The following ADGRB3 variants were observed in gnomAD, a reference collection of about 807,000 sequenced individuals.
ADGRB3 encodes the protein adhesion G protein-coupled receptor B3.
A neutral mutation model predicts 193.4 loss-of-function variants in ADGRB3; 37 were observed. That is an observed-to-expected ratio of 0.19 (90% CI 0.15 to 0.25). ADGRB3 has a LOEUF of 0.25. Ranked by LOEUF, ADGRB3 falls within the 10% of genes least tolerant of loss-of-function variation. The pLI, the probability that ADGRB3 is intolerant of heterozygous loss-of-function variation, is 1.00. For missense variants in ADGRB3, 1,637 were observed against 1,852.9 expected (o/e 0.88, Z 2.14); for synonymous variants, 690 against 644.2 (o/e 1.07, Z -1.08).
chr6:68,733,239 T>C (rs568671358), intron 3 of ADGRB3, among the ~76,000 whole-genome samples: 1 of 147,852 alleles, frequency 6.8e-6, no homozygotes, highest in South Asian at 2.1e-4. Context: ...TCTATATATA[T>C]ATAAAATATA....
chr6:69,101,915 C>T (rs890186359), intron 17 of ADGRB3, among the ~76,000 whole-genome samples: 4 of 152,096 alleles, frequency 2.6e-5, no homozygotes, highest in Admixed American at 2.6e-4. Context: ...CTCGGCCGGG[C>T]TCAGTGGCTC....
chr6:68,890,814 G>T (rs1336441003), intron 3 of ADGRB3, among the ~76,000 whole-genome samples: 1 of 152,170 alleles, frequency 6.6e-6, no homozygotes, highest in Non-Finnish European at 1.5e-5. Flanking sequence ...CATCATAAAT[G>T]CCATAAATGG....
At chr6:69,146,888 T>A (rs754031550) in intron 17 of ADGRB3, among the ~76,000 whole-genome samples, 3 of 144,548 alleles carry the variant, frequency 2.1e-5, no homozygotes, top group Non-Finnish European at 3.0e-5. Flanking sequence ...TATTGGTAAA[T>A]TGTATATGTC....
At position 69,031,550 on chromosome 6, in the gene ADGRB3, T is replaced by TTTCTTTCTTTCTTTCTTTCTTTC; in HGVS notation, c.2107+13053_2107+13054insCTTTCTTTCTTTCTTTCTTTCTT. The stretch of plus-strand genomic sequence containing the variant: ...CTTTCTTTCTTTCTTTCTTTCTTTC[T>TTTCTTTCTTTCTTTCTTTCTTTC]TTTTCTTTCTTTCTTTTCTTCCTCT... On this transcript the variant is annotated intron_variant, in intron 13 of 31. Coordinates refer to ENST00000370598, the MANE Select transcript of ADGRB3 (RefSeq NM_001704.3). Among the ~76,000 whole-genome samples, 481 of 70,084 alleles carry TTTCTTTCTTTCTTTCTTTCTTTC rather than the reference T, an allele frequency of 6.9e-3. 64 individuals are homozygous for TTTCTTTCTTTCTTTCTTTCTTTC. The highest frequency in any genetic ancestry group is 0.011 in the African/African-American group (213 of 20,240). The allele number at this position is 70,084 out of a possible 152,430, so 46.0% of individuals were successfully genotyped here.
intron 20 of ADGRB3, among the ~76,000 whole-genome samples, chr6:69,286,451 G>T (rs954240723): frequency 3.3e-5 from 5 of 152,172 alleles, no homozygotes; most frequent in African/African-American, 1.2e-4. Context: ...GAAAGAAGAT[G>T]CTATTTACTT....
intron 20 of ADGRB3, among the ~76,000 whole-genome samples, chr6:69,239,932 G>T (rs924010763): frequency 3.3e-5 from 5 of 151,922 alleles, no homozygotes; most frequent in Non-Finnish European, 7.4e-5. Flanking sequence ...GCCTCAAAAG[G>T]ATTCTGTTAA....
intron 17 of ADGRB3, among the ~76,000 whole-genome samples, chr6:69,124,268 C>A (rs777087840): frequency 5.3e-5 from 8 of 152,034 alleles, no homozygotes; most frequent in Admixed American, 2.6e-4. Context: ...TTGTTTATTT[C>A]TCTTTTTATT....
chr6:69,332,436 C>T (rs925984643), intron 23 of ADGRB3: 2 of 985,248 alleles, frequency 2.0e-6, no homozygotes, highest in African/African-American at 3.5e-5. Context: ...AAAAGAATAA[C>T]CACACAGCAT....
chr6:68,984,029 AG>A (rs1562110526), intron 10 of ADGRB3, among the ~76,000 whole-genome samples: 1 of 152,176 alleles, frequency 6.6e-6, no homozygotes, highest in African/African-American at 2.4e-5. Context: ...GAAAGCAAAA[AG>A]ATCTACTGGC....
At chr6:69,335,733 G>A (rs374090864) in intron 24 of ADGRB3, among the ~76,000 whole-genome samples, 231 of 152,118 alleles carry the variant, frequency 1.5e-3, no homozygotes, top group Admixed American at 2.6e-3. Context: ...TGGTCGACTT[G>A]ACAACCAATC....
intron 17 of ADGRB3, among the ~76,000 whole-genome samples, chr6:69,216,578 C>T (rs1218146807): frequency 6.6e-6 from 1 of 152,090 alleles, no homozygotes; most frequent in East Asian, 1.9e-4. Flanking sequence ...TGTGAGTGAC[C>T]TGAGGAGGGA....
chr6:68,981,723 A>G (rs2150268992), intron 10 of ADGRB3, among the ~76,000 whole-genome samples: 1 of 151,620 alleles, frequency 6.6e-6, no homozygotes, highest in Middle Eastern at 3.4e-3. Context: ...AAAAACAAGC[A>G]ATGGGTTGGA....
intron 3 of ADGRB3, among the ~76,000 whole-genome samples, chr6:68,828,197 T>C (rs76977941): frequency 0.13 from 19,071 of 151,170 alleles, 1,301 homozygotes; most frequent in Non-Finnish European, 0.14. Context: ...CTTTTTTTTT[T>C]CCTCAATTTG....
At chr6:69,243,825 C>T (rs1437511325) in intron 20 of ADGRB3, among the ~76,000 whole-genome samples, 1 of 151,866 alleles carries the variant, frequency 6.6e-6, no homozygotes, top group Non-Finnish European at 1.5e-5. Flanking sequence ...TTGGACTCCT[C>T]CTAGAATTAC....
intron 13 of ADGRB3, among the ~76,000 whole-genome samples, chr6:69,024,271 A>T (rs1345346151): frequency 1.3e-5 from 2 of 152,184 alleles, no homozygotes; most frequent in Non-Finnish European, 2.9e-5. Context: ...AACGTTTCAA[A>T]TTGATCGCTC....
At chr6:69,048,417 C>T (rs898099347) in intron 14 of ADGRB3, 83 bp downstream of exon 14, 3 of 1,328,488 alleles carry the variant, frequency 2.3e-6, no homozygotes, top group African/African-American at 3.0e-5. Flanking sequence ...AATCTTCATA[C>T]ATTAAACAGT....
chr6:68,909,746 C>G (rs778650539), intron 3 of ADGRB3, among the ~76,000 whole-genome samples: 1 of 152,122 alleles, frequency 6.6e-6, no homozygotes, highest in Non-Finnish European at 1.5e-5. Flanking sequence ...TGCTTGAAGC[C>G]TAAAAATATC....
intron 3 of ADGRB3, among the ~76,000 whole-genome samples, chr6:68,860,491 A>G (rs1190846512): frequency 6.6e-6 from 1 of 152,150 alleles, no homozygotes; most frequent in African/African-American, 2.4e-5. Flanking sequence ...ATGATAATTG[A>G]TTTCCTGTTT....
intron 3 of ADGRB3, among the ~76,000 whole-genome samples, chr6:68,868,295 T>A (rs1304649133): frequency 6.6e-6 from 1 of 152,164 alleles, no homozygotes; most frequent in Non-Finnish European, 1.5e-5. Context: ...CTGTCTCTCC[T>A]GGTACCACGT....
Sources: allele counts gnomAD v4.1 joint callset (sites outside exome capture counted in the v4.1 genomes callset), GRCh38; gene constraint gnomAD v4.1.1; transcripts MANE v1.5; gene names NCBI Gene and HGNC (gene_info 2026-07-23, HGNC 2026-07-21).